The following PDE4B variants were observed in gnomAD, a reference collection of about 807,000 sequenced individuals.
PDE4B encodes the protein phosphodiesterase 4B.
Under a neutral mutation model 82.2 loss-of-function variants are expected in PDE4B, and 20 were observed. The ratio of observed to expected loss-of-function variants is 0.24; its 90% CI spans 0.17 to 0.35. The LOEUF (loss-of-function observed/expected upper bound fraction) is 0.35. Ranked by LOEUF, PDE4B falls within the 10% of genes least tolerant of loss-of-function variation. The pLI is 1.00. For synonymous variants in PDE4B, 320 were observed against 318.9 expected (o/e 1.00, Z -0.04); for missense variants, 655 against 907.2 (o/e 0.72, Z 3.57).
intron 3 of PDE4B, among the ~76,000 whole-genome samples, chr1:65,999,339 G>A (rs1651733277): frequency 6.6e-6 from 1 of 152,144 alleles, no homozygotes; most frequent in South Asian, 2.1e-4. Context: ...CGCTTACCAT[G>A]GTTTTCAGGC....
intron 3 of PDE4B, among the ~76,000 whole-genome samples, chr1:66,188,952 T>C (rs1056052297): frequency 2.6e-5 from 4 of 152,222 alleles, no homozygotes; most frequent in African/African-American, 9.6e-5. Flanking sequence ...CAATTTGGCA[T>C]GTCTTTGCAG....
chr1:66,260,487 C>T (rs997181057), intron 6 of PDE4B, among the ~76,000 whole-genome samples: 3 of 152,232 alleles, frequency 2.0e-5, no homozygotes, highest in East Asian at 3.9e-4. Flanking sequence ...GGGTATAGCT[C>T]TAAACCAGAA....
intron 7 of PDE4B, among the ~76,000 whole-genome samples, chr1:66,309,400 A>G (rs748556264): frequency 6.6e-6 from 1 of 152,226 alleles, no homozygotes; most frequent in Non-Finnish European, 1.5e-5. Flanking sequence ...AAATAGAGAT[A>G]ATGCTCCATC....
chr1:66,331,283 TG>T (rs923091198), intron 7 of PDE4B, among the ~76,000 whole-genome samples: 2 of 152,262 alleles, frequency 1.3e-5, no homozygotes, highest in African/African-American at 4.8e-5. Context: ...TAGTGCCTAT[TG>T]TGTGTTTGTA....
At position 65,932,917 on chromosome 1, in the gene PDE4B, G is replaced by A. The variant is rs755887828; in HGVS notation, c.281+14082G>A. Among the ~76,000 whole-genome samples the A allele has an allele frequency of 8.1e-4, 123 of 152,078 alleles. 1 individual carries two copies. Among genetic ancestry groups the A allele is most frequent in the Admixed American group, 1.5e-3 (23 of 15,274 alleles). ...CAGTCAGAAGAGCAAAAAGAAAAAC[G>A]AATGACAAAAATAAAGACAGCTTAA... On this transcript the variant is annotated intron_variant, in intron 3 of 16. Coordinates refer to ENST00000341517, the MANE Select transcript of PDE4B (RefSeq NM_002600.4).
At chr1:66,354,684 G>T (rs757398778) in intron 8 of PDE4B, 35 of 1,419,130 alleles carry the variant, frequency 2.5e-5, no homozygotes, top group Non-Finnish European at 3.0e-5. Context: ...GCTTTGTTTG[G>T]CTTAGGAAAT....
intron 3 of PDE4B, among the ~76,000 whole-genome samples, chr1:66,218,154 G>C (rs1344000555): frequency 6.6e-6 from 1 of 152,058 alleles, no homozygotes; most frequent in East Asian, 1.9e-4. Flanking sequence ...TAGTGCATGG[G>C]AACTGCAGGA....
chr1:66,115,241 C>G (rs952447068), intron 3 of PDE4B, among the ~76,000 whole-genome samples: 3 of 152,210 alleles, frequency 2.0e-5, no homozygotes, highest in Non-Finnish European at 4.4e-5. Context: ...GTTCTCTTTT[C>G]TTGCTTACTT....
chr1:65,885,466 T>G (rs924055628), intron 1 of PDE4B, among the ~76,000 whole-genome samples: 11 of 152,182 alleles, frequency 7.2e-5, no homozygotes, highest in Admixed American at 1.3e-4. Context: ...CAACCCAAAT[T>G]TCCATCAATG....
chr1:65,936,577 G>A (rs545254648), intron 3 of PDE4B, among the ~76,000 whole-genome samples: 16 of 152,228 alleles, frequency 1.1e-4, no homozygotes, highest in East Asian at 7.7e-4. Context: ...ATTAGAGTGC[G>A]TCAGAATCAC....
intron 7 of PDE4B, among the ~76,000 whole-genome samples, chr1:66,290,697 A>G (rs905690107): frequency 6.6e-6 from 1 of 152,224 alleles, no homozygotes; most frequent in African/African-American, 2.4e-5. Flanking sequence ...TTCCAATGCC[A>G]GGAGTAATAA....
intron 3 of PDE4B, among the ~76,000 whole-genome samples, chr1:66,198,717 G>A (rs533868173): frequency 8.5e-5 from 13 of 152,122 alleles, no homozygotes; most frequent in South Asian, 6.2e-4. Flanking sequence ...CCATTAACTC[G>A]TCATTTAGAA....
chr1:65,920,367 G>C lies in PDE4B; in HGVS notation c.281+1532G>C, dbSNP rs552092512. On this transcript the variant is annotated intron_variant, in intron 3 of 16. Transcript: ENST00000341517. ...GACTGGCACAGAGGAATCTGGTTTT[G>C]GTGGGTGTTGGTGCTATATCTGTTG... Among the ~76,000 whole-genome samples, 4 of 152,282 alleles carry C rather than the reference G, an allele frequency of 2.6e-5. No individual in the cohort carries two copies. The South Asian group carries it at 8.3e-4, about 32-fold the overall frequency.
intron 1 of PDE4B, among the ~76,000 whole-genome samples, chr1:65,886,471 A>G (rs1200713097): frequency 1.3e-5 from 2 of 152,168 alleles, no homozygotes; most frequent in East Asian, 1.9e-4. Context: ...GAACATTAGA[A>G]CTTATTCCTT....
intron 8 of PDE4B, among the ~76,000 whole-genome samples, chr1:66,339,343 T>A (rs1277056768): frequency 6.6e-6 from 1 of 152,258 alleles, no homozygotes; most frequent in African/African-American, 2.4e-5. Flanking sequence ...GTATTCCAAG[T>A]TCTAGTCTTC....
chr1:66,090,709 ATG>A (rs1287709193), intron 3 of PDE4B, among the ~76,000 whole-genome samples: 10 of 149,046 alleles, frequency 6.7e-5, no homozygotes, highest in African/African-American at 1.5e-4. Flanking sequence ...ATATGTATAT[ATG>A]TGTGTGTATA....
intron 1 of PDE4B, among the ~76,000 whole-genome samples, chr1:65,883,656 C>G (rs1033396403): frequency 6.6e-6 from 1 of 152,120 alleles, no homozygotes; most frequent in African/African-American, 2.4e-5. Flanking sequence ...ATTTCTTTCT[C>G]CTGCCTAATT....
intron 7 of PDE4B, among the ~76,000 whole-genome samples, chr1:66,318,401 A>G (rs1314213747): frequency 2.6e-5 from 4 of 152,080 alleles, no homozygotes; most frequent in Non-Finnish European, 5.9e-5. Flanking sequence ...TCTCCTTGAG[A>G]CTCACCCAAC....
At position 66,266,091 on chromosome 1, in the gene PDE4B, G is replaced by A. The variant is rs201454024; in HGVS notation, c.634+4G>A. On this transcript the variant is annotated splice_donor_region_variant and intron_variant, in intron 7 of 16. Coordinates refer to ENST00000341517, the MANE Select transcript of PDE4B (RefSeq NM_002600.4). ...GTCTCCAGAGTCAACCCACAAGGTA[G>A]GCCATGTCATAAGGTCTATCTAGAT... The A allele has an allele frequency of 7.5e-6, 12 of 1,608,088 alleles. No homozygotes were observed. In the South Asian group the frequency reaches 1.3e-4, roughly 18 times the overall value.
Sources: allele counts gnomAD v4.1 joint callset (sites outside exome capture counted in the v4.1 genomes callset), GRCh38; gene constraint gnomAD v4.1.1; transcripts MANE v1.5; gene names NCBI Gene and HGNC (gene_info 2026-07-23, HGNC 2026-07-21).